The following RPTOR variants were observed in gnomAD, a reference collection of about 807,000 sequenced individuals.
RPTOR encodes regulatory associated protein of MTOR complex 1.
RPTOR carries 21 observed loss-of-function variants against 169.9 expected under a neutral mutation model. That is an observed-to-expected ratio of 0.12 (90% CI 0.09 to 0.18). The LOEUF (loss-of-function observed/expected upper bound fraction) is 0.18, where lower values mean the gene tolerates loss of function less well. Among genes scored for constraint, RPTOR ranks in the 10% least tolerant of loss-of-function variants. The pLI is 1.00. For synonymous variants in RPTOR, 732 were observed against 753.2 expected (o/e 0.97, Z 0.46); for missense variants, 1,133 against 1,855.9 (o/e 0.61, Z 7.16).
chr17:80,574,827 A>ATTTTTT (rs555426915), intron 1 of RPTOR, among the ~76,000 whole-genome samples: 23,879 of 120,902 alleles, frequency 0.2, 2,913 homozygotes, highest in East Asian at 0.34. Flanking sequence ...AGCTTATTTA[A>ATTTTTT]TTTTTTTTTT....
chr17:80,757,501 C>T (rs554302084), intron 6 of RPTOR, among the ~76,000 whole-genome samples: 13 of 152,274 alleles, frequency 8.5e-5, no homozygotes, highest in Non-Finnish European at 1.5e-4. Context: ...TTTCTCCTTT[C>T]GCATTACTTT....
intron 6 of RPTOR, among the ~76,000 whole-genome samples, chr17:80,789,294 G>A (rs368423583): frequency 1.3e-5 from 2 of 152,148 alleles, no homozygotes; most frequent in East Asian, 1.9e-4. Flanking sequence ...TTTCTTTTGG[G>A]CAATTACACT....
rs1431527436 is a variant in RPTOR at position 80,760,382 on chromosome 17, A to G, written c.830+6197A>G. On this transcript the variant is annotated intron_variant, in intron 6 of 33. Transcript: ENST00000306801. ...AGTGGCGTGATCTCGGCTCACTGCA[A>G]CCTCCACCTCCTCGGTTCAAGCGAT... Among the ~76,000 whole-genome samples, 5 of 142,314 alleles carry G rather than the reference A, an allele frequency of 3.5e-5. No homozygotes were observed. The Admixed American group carries it at 3.7e-4, about 11-fold the overall frequency. The allele number at this position is 142,314 out of a possible 152,430, so 93.4% of individuals were successfully genotyped here.
Position 80,846,535 on chromosome 17 carries a change from G to A in RPTOR, c.1275G>A (p.Glu425=). ...AFQVWLTMGV[E]NRNPPEQLPI... Reference sequence around the variant, plus strand: ...AGGTGTGGCTCACCATGGGCGTGGAGAACCGAAACCCACCCGAACAGCTGC... The same window carrying A: ...AGGTGTGGCTCACCATGGGCGTGGAAAACCGAAACCCACCCGAACAGCTGC... The change falls in exon 11 of 34, where the codon GAG becomes GAA. Residue 425 remains glutamate, a synonymous_variant. Transcript: ENST00000306801. 4 of 1,614,228 alleles carry A rather than the reference G, an allele frequency of 2.5e-6. No individual in the cohort carries two copies. The highest frequency in any genetic ancestry group is 3.4e-6 in the Non-Finnish European group (4 of 1,180,034).
intron 4 of RPTOR, among the ~76,000 whole-genome samples, chr17:80,718,658 G>A (rs576995468): frequency 6.6e-6 from 1 of 152,318 alleles, no homozygotes; most frequent in Admixed American, 6.5e-5. Context: ...GGGGACTGGA[G>A]GGGATGATCT....
intron 5 of RPTOR, among the ~76,000 whole-genome samples, chr17:80,732,296 A>C (rs2143211917): frequency 6.6e-6 from 1 of 152,324 alleles, no homozygotes; most frequent in Middle Eastern, 3.4e-3. Context: ...TCAGTTAATT[A>C]AAACATGTTA....
At chr17:80,641,556 C>T (rs551944256) in intron 2 of RPTOR, among the ~76,000 whole-genome samples, 8 of 152,214 alleles carry the variant, frequency 5.3e-5, no homozygotes, top group East Asian at 1.9e-4. Flanking sequence ...GGAGATCCTG[C>T]GGGTGTGGCT....
intron 20 of RPTOR, among the ~76,000 whole-genome samples, chr17:80,901,558 C>G (rs946146091): frequency 6.6e-6 from 1 of 152,174 alleles, no homozygotes; most frequent in Non-Finnish European, 1.5e-5. Flanking sequence ...ACCTGGAAAC[C>G]ACCGTGCTTA....
chr17:80,884,619 G>A (rs1210042215), intron 16 of RPTOR, among the ~76,000 whole-genome samples: 1 of 152,174 alleles, frequency 6.6e-6, no homozygotes, highest in Non-Finnish European at 1.5e-5. Flanking sequence ...GCACTTCAGG[G>A]CCCCCATGCC....
chr17:80,626,491 A>G (rs1439603905), intron 2 of RPTOR, among the ~76,000 whole-genome samples: 2 of 152,172 alleles, frequency 1.3e-5, no homozygotes, highest in Non-Finnish European at 2.9e-5. Flanking sequence ...AAAGCATCAC[A>G]TAATGGATCA....
intron 7 of RPTOR, among the ~76,000 whole-genome samples, chr17:80,812,388 G>C (rs1169659344): frequency 6.6e-6 from 1 of 151,970 alleles, no homozygotes; most frequent in Admixed American, 6.6e-5. Flanking sequence ...AAATTGTACA[G>C]GTATTTGGGG....
Position 80,883,805 on chromosome 17 carries a change from A to G in RPTOR, c.1675A>G (p.Ile559Val), listed in dbSNP as rs1466061215. Residue 559 changes from isoleucine (I) to valine (V), a missense_variant, in exon 16 of 34, where the codon ATT becomes GTT. Around this residue, in one of 9 missense-constraint regions of RPTOR, gnomAD observed 289 missense variants for 585.8 expected, o/e 0.49. Transcript: ENST00000306801. The stretch of plus-strand genomic sequence containing the variant: ...GGAAGCCTGCCTTCAGGGAAACCTC[A>G]TTGCCATCTGCCTGGAGCAGCTCAA... The part of the protein sequence containing the change: ...GQEACLQGNL[I>V]AICLEQLNDP... 1 of 1,613,704 alleles carries G rather than the reference A, an allele frequency of 6.2e-7. No homozygotes were observed. Among genetic ancestry groups the G allele is most frequent in the South Asian group, 1.1e-5 (1 of 91,088 alleles).
intron 3 of RPTOR, among the ~76,000 whole-genome samples, chr17:80,660,176 T>A (rs947647376): frequency 2.7e-5 from 4 of 150,022 alleles, no homozygotes; most frequent in South Asian, 4.2e-4. Context: ...GAGGCTGAGG[T>A]AGGAGAATTG....
At chr17:80,701,506 G>C (rs1464364899) in intron 3 of RPTOR, among the ~76,000 whole-genome samples, 1 of 152,182 alleles carries the variant, frequency 6.6e-6, no homozygotes, top group Non-Finnish European at 1.5e-5. Flanking sequence ...TCCGCCTAAA[G>C]GTCCCTCCTA....
chr17:80,887,308 GCTCTGAGGGGGTGTGCTGA>G (rs2068259984), intron 17 of RPTOR, among the ~76,000 whole-genome samples: 1 of 128,910 alleles, frequency 7.8e-6, no homozygotes, highest in Non-Finnish European at 1.6e-5. Context: ...GGGTGCGCTG[GCTCTGAGGGGGTGTGCTGA>G]CTCTGGGGGG....
intron 20 of RPTOR, among the ~76,000 whole-genome samples, chr17:80,901,379 CT>C (rs1229845467): frequency 1.5e-4 from 23 of 150,386 alleles, no homozygotes; most frequent in African/African-American, 2.2e-4. Context: ...TGATTCCTGA[CT>C]TTTTTTTTTT....
At chr17:80,747,289 G>A (rs369717626) in intron 5 of RPTOR, among the ~76,000 whole-genome samples, 2 of 152,160 alleles carry the variant, frequency 1.3e-5, no homozygotes, top group Non-Finnish European at 2.9e-5. Flanking sequence ...CTGTGTACTC[G>A]TCCATGCACC....
At chr17:80,924,970 G>A (rs1377862367) in intron 23 of RPTOR, among the ~76,000 whole-genome samples, 3 of 152,238 alleles carry the variant, frequency 2.0e-5, no homozygotes, top group Admixed American at 6.5e-5. Context: ...GGGAGTCCCC[G>A]CTCTCAGTCT....
rs548757533 is a variant in RPTOR, at chr17:80,728,840, T to A, written c.508-1720T>A. On this transcript the variant is annotated intron_variant, in intron 4 of 33. Transcript: ENST00000306801. ...GGCTTGGACTGACTTTCTGGATTCA[T>A]TAGGCAAGAATTGACATCTCTAGAT... Among the ~76,000 whole-genome samples the A allele has an allele frequency of 1.2e-4, 18 of 152,300 alleles. No homozygotes were observed. The South Asian group carries it at 1.2e-3, about 11-fold the overall frequency.
Sources: gnomAD v4.1 joint callset for allele counts (sites outside exome capture counted in the v4.1 genomes callset) on GRCh38, gnomAD v4.1.1 for gene constraint, gnomAD v4.1.1 regional missense constraint, MANE v1.5 for transcripts, NCBI Gene and HGNC (gene_info 2026-07-23, HGNC 2026-07-21) for gene names.